Variants in TMPRSS2 observed in about 807,000 individuals in gnomAD.
The protein encoded by TMPRSS2 is transmembrane serine protease 2.
TMPRSS2 carries 59 observed loss-of-function variants against 67.4 expected under a neutral mutation model. The observed-to-expected ratio is 0.88, with a 90% confidence interval of 0.71 to 1.09. The LOEUF (loss-of-function observed/expected upper bound fraction) is 1.09, where lower values mean the gene tolerates loss of function less well. Among genes scored for constraint, TMPRSS2 ranks in the 50% least tolerant of loss-of-function variants. The pLI is 0.00. For synonymous variants in TMPRSS2, 257 were observed against 257.0 expected, an observed-to-expected ratio of 1.00 and a Z score of 0.00; for missense variants, 668 against 642.7, an observed-to-expected ratio of 1.04 and a Z score of -0.43.
chr21:41,503,262 T>G (rs982674640), intron 1 of TMPRSS2, among the ~76,000 whole-genome samples: 1 of 152,192 alleles, frequency 6.6e-6, no homozygotes, highest in Non-Finnish European at 1.5e-5. Context: ...TGCCTCAAGC[T>G]GAGTGCAACC....
At chr21:41,484,092 C>A (rs2091278654) in intron 5 of TMPRSS2, among the ~76,000 whole-genome samples, 1 of 152,144 alleles carries the variant, frequency 6.6e-6, no homozygotes, top group South Asian at 2.1e-4. Flanking sequence ...GCACTCCAGA[C>A]TGGGTGACAG....
chr21:41,468,559 T>C (rs1464041418), intron 11 of TMPRSS2, 21 bp from the exon 12 acceptor site: 3 of 1,613,238 alleles, frequency 1.9e-6, no homozygotes, highest in Non-Finnish European at 2.5e-6. Context: ...GGAGACTTGT[T>C]GAGCTCCCAG....
chr21:41,468,009 G>A (rs889017578), intron 12 of TMPRSS2, 123 bp from the exon 13 acceptor site: 2 of 1,019,906 alleles, frequency 2.0e-6, no homozygotes, highest in Non-Finnish European at 2.9e-6. Flanking sequence ...GACTGTGTGG[G>A]CTTCGAATCT....
At chr21:41,489,475 C>T (rs2091320382) in intron 4 of TMPRSS2, 32 bp downstream of exon 4, 2 of 1,595,654 alleles carry the variant, frequency 1.3e-6, no homozygotes, top group South Asian at 2.2e-5. Flanking sequence ...ACTGCAGGAG[C>T]ACATGGTGGG....
rs1013841273 is a variant in TMPRSS2, at chr21:41,466,225, C to T, written c.1468-72G>A. The T allele has an allele frequency of 9.1e-6, 14 of 1,543,520 alleles. No individual in the cohort carries two copies. The African/African-American group carries it at 1.5e-4, about 17-fold the overall frequency. On this transcript the variant is annotated intron_variant, in intron 13 of 13. Transcript: ENST00000332149. ...CAAAGGTGGAAAATAATTTTTTCCT[C>T]TAGGTTCGCATGAAGCACTTAGAAA... is the stretch of plus-strand genomic sequence containing the variant.
intron 2 of TMPRSS2, 157 bp from the exon 3 acceptor site, chr21:41,494,735 T>C: frequency 1.3e-6 from 1 of 786,322 alleles, no homozygotes; most frequent in Admixed American, 2.1e-5. Flanking sequence ...TCTATACAAC[T>C]TGTACAGTTA....
At chr21:41,507,429 G>A (rs57161767) in intron 1 of TMPRSS2, among the ~76,000 whole-genome samples, 1,525 of 152,252 alleles carry the variant, frequency 0.01, 26 homozygotes, top group African/African-American at 0.035. Flanking sequence ...GCCGCAACGG[G>A]GCCTGAGTCG....
In TMPRSS2 at chr21:41,470,752, A is replaced by G. The variant is rs1373039513; in HGVS notation, c.1076-9T>C. The G allele has an allele frequency of 1.9e-6, 3 of 1,612,370 alleles. No homozygotes were observed. Among genetic ancestry groups the G allele is most frequent in the Non-Finnish European group, 2.5e-6 (3 of 1,179,752 alleles). Reference sequence around the variant, plus strand: ...CACTGGTTTCACTAGGTCTGTTTCAAGAAGAGAAAACACAGTGAGCCAGGC... The same window carrying G: ...CACTGGTTTCACTAGGTCTGTTTCAGGAAGAGAAAACACAGTGAGCCAGGC... On this transcript the variant is annotated splice_polypyrimidine_tract_variant and intron_variant, in intron 10 of 13. Transcript: ENST00000332149.
At position 41,480,571 on chromosome 21, in the gene TMPRSS2, C is replaced by A. The variant is rs2091249214; in HGVS notation, c.477G>T (p.Gln159His). ...AGGACTTCCTCTGAGATGAGTACAC[C>A]TGAAGGATGAAGTTTGGTCCGTAGA... ...VRLYGPNFIL[Q>H]VYSSQRKSWH... Residue 159 changes from glutamine (Q) to histidine (H), a missense_variant, in exon 6 of 14, where the codon CAG becomes CAT. Physicochemically the swap from Gln to His is conservative, Grantham distance 24 (BLOSUM62 0). Transcript: ENST00000332149. 2 of 1,613,794 alleles carry A rather than the reference C, an allele frequency of 1.2e-6. No homozygotes were observed. The highest frequency in any genetic ancestry group is 1.7e-6 in the Non-Finnish European group (2 of 1,180,030).
In TMPRSS2 at chr21:41,478,684, T is replaced by C. The variant is rs1044991609; in HGVS notation, c.683+488A>G. ...CTCACAGAGCACCCTCTGGCACTGC[T>C]GTCCCGGGGTTGGGGCTAACGGGAC... On this transcript the variant is annotated intron_variant, in intron 7 of 13. Coordinates refer to ENST00000332149, the MANE Select transcript of TMPRSS2 (RefSeq NM_005656.4). The surrounding 1 kb of genome is among the most constrained non-coding windows in gnomAD (Gnocchi z 4.0). Among the ~76,000 whole-genome samples, 2 of 152,156 alleles carry C rather than the reference T, an allele frequency of 1.3e-5. No individual in the cohort carries two copies. The highest frequency in any genetic ancestry group is 4.8e-5 in the African/African-American group (2 of 41,432).
chr21:41,475,754 G>C (rs2091207372), intron 8 of TMPRSS2, among the ~76,000 whole-genome samples: 1 of 150,890 alleles, frequency 6.6e-6, no homozygotes, highest in Non-Finnish European at 1.5e-5. Context: ...GGTGAGGGGT[G>C]AGTGAGGTCT....
At position 41,468,505 on chromosome 21, in the gene TMPRSS2, A is replaced by G. The variant is rs769565200; in HGVS notation, c.1205T>C (p.Val402Ala). 2.5e-6 allele frequency: 4 copies of G among 1,614,146 alleles called. No individual in the cohort carries two copies. Among genetic ancestry groups the G allele is most frequent in the Non-Finnish European group, 3.4e-6 (4 of 1,180,038 alleles). The change falls in exon 12 of 14, where the codon GTG becomes GCG. Residue 402 changes from valine (V) to alanine (A), a missense_variant. Transcript: ENST00000332149. ...KTSEVLNAAKVLLIETQRCNS... is the reference protein window; with the variant it reads ...KTSEVLNAAKALLIETQRCNS... Reference sequence around the variant, plus strand: ...GCATCTCTGTGTCTCAATGAGAAGCACCTTGGCAGCGTTCAGCACTTCTGA... The same window carrying G: ...GCATCTCTGTGTCTCAATGAGAAGCGCCTTGGCAGCGTTCAGCACTTCTGA...
rs139926880 is a variant in TMPRSS2 at position 41,479,275 on chromosome 21, A to C, written c.580T>G (p.Phe194Val). The C allele has an allele frequency of 2.2e-5, 35 of 1,612,818 alleles. No individual in the cohort carries two copies. The African/African-American group carries it at 3.7e-4, about 17-fold the overall frequency. Residue 194 changes from phenylalanine (F) to valine (V), a missense_variant, in exon 7 of 14, where the codon TTT becomes GTT. Transcript: ENST00000332149. ...ACRDMGYKNN[F>V]YSSQGIVDDS... ...TCCACTATTCCTTGGCTAGAGTAAA[A>C]ATTATTCCTAAAAAAGAAAACCTTA... is the stretch of plus-strand genomic sequence containing the variant.
chr21:41,490,659 G>T (rs532882572), intron 3 of TMPRSS2, among the ~76,000 whole-genome samples: 13 of 152,388 alleles, frequency 8.5e-5, no homozygotes, highest in African/African-American at 2.9e-4. Flanking sequence ...TTATTGGTCA[G>T]AGGGTAAGCC....
At chr21:41,466,178 T>C (rs1191171141) in intron 13 of TMPRSS2, 25 bp from the exon 14 acceptor site, 1 of 1,610,900 alleles carries the variant, frequency 6.2e-7, no homozygotes, top group East Asian at 2.2e-5. Context: ...AAAAAAAAAG[T>C]GTGTTATTTT....
chr21:41,480,277 G>A (rs947481195), intron 6 of TMPRSS2, among the ~76,000 whole-genome samples, 199 bp downstream of exon 6: 1 of 152,230 alleles, frequency 6.6e-6, no homozygotes, highest in Non-Finnish European at 1.5e-5. Flanking sequence ...GGGCAAGGTG[G>A]CAGTGAGCCA....
intron 1 of TMPRSS2, among the ~76,000 whole-genome samples, chr21:41,499,177 G>C (rs1407099001): frequency 6.6e-6 from 1 of 152,174 alleles, no homozygotes; most frequent in Non-Finnish European, 1.5e-5. Context: ...AAGAAATTCA[G>C]AGCCAACCAT....
intron 8 of TMPRSS2, among the ~76,000 whole-genome samples, chr21:41,473,876 G>T (rs1422154439): frequency 6.9e-6 from 1 of 145,532 alleles, no homozygotes; most frequent in Non-Finnish European, 1.5e-5. Flanking sequence ...AGTGAGTGAG[G>T]GGGTGAGGAG....
At chr21:41,488,558 G>C (rs386416) in intron 4 of TMPRSS2, 45 bp from the exon 5 acceptor site, 1,066,430 of 1,572,036 alleles carry the variant, frequency 0.68, 369,169 homozygotes, top group Middle Eastern at 0.73. Context: ...GCTGAGAAAC[G>C]CAATGAGCCT....
Sources: allele counts gnomAD v4.1 joint callset (sites outside exome capture counted in the v4.1 genomes callset), GRCh38; gene constraint gnomAD v4.1.1; non-coding constraint Gnocchi (gnomAD v3.1); transcripts MANE v1.5; gene names NCBI Gene and HGNC (gene_info 2026-07-23, HGNC 2026-07-21).